Variants in KLF8 observed in about 807,000 individuals in gnomAD.
KLF8 encodes the protein KLF transcription factor 8, also known as Krueppel-like factor 8.
KLF8 carries 10 observed loss-of-function variants against 18.2 expected under a neutral mutation model. The ratio of observed to expected loss-of-function variants is 0.55; its 90% CI spans 0.34 to 0.93. KLF8 has a LOEUF of 0.93. Ranked by LOEUF, KLF8 falls within the 40% of genes least tolerant of loss-of-function variation. The pLI, the probability that KLF8 is intolerant of heterozygous loss-of-function variation, is 0.02. For missense variants in KLF8, 264 were observed against 277.9 expected, an observed-to-expected ratio of 0.95 and a Z score of 0.36; for synonymous variants, 109 against 97.3, an observed-to-expected ratio of 1.12 and a Z score of -0.71.
chrX:56,186,116 G>A, the KLF8 span, among the ~76,000 whole-genome samples: 2 of 112,123 alleles, frequency 1.8e-5, no homozygotes, highest in Non-Finnish European at 3.8e-5. Context: ...TCAGTATGCT[G>A]TATTCAGGAA....
chrX:56,004,266 C>T, the KLF8 span, among the ~76,000 whole-genome samples: 3 of 112,238 alleles, frequency 2.7e-5, no homozygotes, highest in Non-Finnish European at 5.6e-5. Context: ...GCACACGGTA[C>T]CTGTTCAACA....
chrX:56,207,304 G>T, the KLF8 span, among the ~76,000 whole-genome samples: 1 of 112,324 alleles, frequency 8.9e-6, no homozygotes, highest in Admixed American at 9.4e-5. Flanking sequence ...CAGAAAATGG[G>T]TTTTTCTTTT....
chrX:56,022,548 G>A, the KLF8 span, among the ~76,000 whole-genome samples: 3 of 73,010 alleles, frequency 4.1e-5, no homozygotes, highest in South Asian at 8.0e-4. Context: ...GACTCTGTCT[G>A]ACCAAAAAAA....
At chrX:56,061,767 A>T in the KLF8 span, among the ~76,000 whole-genome samples, 1 of 110,597 alleles carries the variant, frequency 9.0e-6, no homozygotes, top group Non-Finnish European at 1.9e-5. Context: ...GGGGTGTTAA[A>T]GTCACCTACT....
At chrX:56,070,025 G>T in the KLF8 span, among the ~76,000 whole-genome samples, 3 of 112,510 alleles carry the variant, frequency 2.7e-5, no homozygotes, top group Non-Finnish European at 5.6e-5. Context: ...AGATAGACTG[G>T]ATAAAGAAAA....
the KLF8 span, among the ~76,000 whole-genome samples, chrX:55,940,126 C>A: frequency 8.9e-6 from 1 of 111,849 alleles, no homozygotes; most frequent in African/African-American, 3.3e-5. Context: ...CAAAAATCCT[C>A]AATAAAATCC....
chrX:56,097,333 C>T, the KLF8 span, among the ~76,000 whole-genome samples: 2 of 104,829 alleles, frequency 1.9e-5, no homozygotes, highest in African/African-American at 3.5e-5. Context: ...TTTCTACACC[C>T]TTTCTTTCTT....
the KLF8 span, among the ~76,000 whole-genome samples, chrX:56,161,361 GT>G: frequency 9.0e-6 from 1 of 111,672 alleles, no homozygotes; most frequent in Non-Finnish European, 1.9e-5. Flanking sequence ...CCTGCAGAGT[GT>G]TTTCCAACTT....
the KLF8 span, among the ~76,000 whole-genome samples, chrX:56,017,043 T>A: frequency 3.6e-5 from 4 of 111,987 alleles, no homozygotes; most frequent in Non-Finnish European, 7.5e-5. Flanking sequence ...CATTTGATTT[T>A]AAAATAAGAG....
chrX:56,259,743 C>T (rs1437516356), intron 2 of KLF8, among the ~76,000 whole-genome samples: 2 of 110,789 alleles, frequency 1.8e-5, no homozygotes, highest in Non-Finnish European at 3.8e-5. Flanking sequence ...ACCACTTTCA[C>T]GATTTTTGCC....
chrX:55,917,005 A>G, the KLF8 span, among the ~76,000 whole-genome samples: 1 of 112,142 alleles, frequency 8.9e-6, no homozygotes, highest in African/African-American at 3.2e-5. Context: ...CAAAATGCCA[A>G]AGTAAGCTGA....
the KLF8 span, among the ~76,000 whole-genome samples, chrX:55,926,564 G>A: frequency 9.0e-6 from 1 of 110,651 alleles, no homozygotes; most frequent in Non-Finnish European, 1.9e-5. Context: ...CGTATTTGTT[G>A]GGAATATGAT....
the KLF8 span, among the ~76,000 whole-genome samples, chrX:55,911,731 A>AAAG: frequency 8.9e-6 from 1 of 112,048 alleles, no homozygotes; most frequent in African/African-American, 3.2e-5. Flanking sequence ...ACACAAATAC[A>AAAG]AAGTTTTAAC....
chrX:55,921,394 T>C, the KLF8 span, among the ~76,000 whole-genome samples: 4 of 112,113 alleles, frequency 3.6e-5, no homozygotes, highest in Non-Finnish European at 7.5e-5. Context: ...GTTCCATTGA[T>C]CTATGTATCT....
the KLF8 span, among the ~76,000 whole-genome samples, chrX:55,944,911 A>T: frequency 9.1e-6 from 1 of 110,025 alleles, no homozygotes; most frequent in Non-Finnish European, 1.9e-5. Context: ...TAGTTCTTTT[A>T]ATTGTGATGT....
chrX:56,172,150 A>G, the KLF8 span, among the ~76,000 whole-genome samples: 1 of 109,892 alleles, frequency 9.1e-6, no homozygotes, highest in Non-Finnish European at 1.9e-5. Context: ...GTACAGGTGT[A>G]CAACATGCAG....
At chrX:56,178,912 T>C in the KLF8 span, among the ~76,000 whole-genome samples, 4 of 112,340 alleles carry the variant, frequency 3.6e-5, no homozygotes, top group African/African-American at 9.7e-5. Context: ...TGAAGTCAGC[T>C]AGCCTGATGC....
At chrX:56,051,364 C>G in the KLF8 span, among the ~76,000 whole-genome samples, 3 of 110,180 alleles carry the variant, frequency 2.7e-5, no homozygotes, top group Non-Finnish European at 3.8e-5. Flanking sequence ...TTCCTAGTCT[C>G]GATGGTCTTT....
the KLF8 span, among the ~76,000 whole-genome samples, chrX:56,190,062 C>T: frequency 1.3e-3 from 139 of 109,935 alleles, 2 homozygotes; most frequent in African/African-American, 4.3e-3. Context: ...AAATCTGGAC[C>T]TAGTGATTTG....
Sources: gnomAD v4.1 joint callset for allele counts (sites outside exome capture counted in the v4.1 genomes callset) on GRCh38, gnomAD v4.1.1 for gene constraint, MANE v1.5 for transcripts, NCBI Gene and HGNC (gene_info 2026-07-23, HGNC 2026-07-21) for gene names.